The following JAZF1 variants were observed in gnomAD, a reference collection of about 807,000 sequenced individuals.
JAZF1 encodes JAZF zinc finger 1, also known as juxtaposed with another zinc finger protein 1.
Under a neutral mutation model 26.4 loss-of-function variants are expected in JAZF1, and 8 were observed. That is an observed-to-expected ratio of 0.30 (90% confidence interval 0.18 to 0.55). The LOEUF (loss-of-function observed/expected upper bound fraction) is 0.55. Ranked by LOEUF, JAZF1 falls within the 20% of genes least tolerant of loss-of-function variation. The pLI is 0.94. For synonymous variants in JAZF1, 126 were observed against 122.3 expected (o/e 1.03, Z -0.20); for missense variants, 199 against 322.0 (o/e 0.62, Z 2.92).
chr7:28,008,269 T>C (rs2128369532), intron 1 of JAZF1, among the ~76,000 whole-genome samples: 1 of 152,290 alleles, frequency 6.6e-6, no homozygotes, highest in East Asian at 1.9e-4. Context: ...CCGGCTGCAG[T>C]ACAGTGGCAC....
At position 28,103,142 on chromosome 7, in the gene JAZF1, C is replaced by T. The variant is rs796700681; in HGVS notation, c.115+77321G>A. Among the ~76,000 whole-genome samples, 45 of 152,300 alleles carry T rather than the reference C, an allele frequency of 3.0e-4. 1 individual carries two copies. The highest frequency in any genetic ancestry group is 1.1e-3 in the African/African-American group (45 of 41,568). On this transcript the variant is annotated intron_variant, in intron 1 of 4. Transcript: ENST00000283928. ...GTCACTCCCTCCTGGCTTTTCCTTCCACCTCGGTGGTCCCTCCTTCTTGGT... is the reference window on the plus strand; with the variant it reads ...GTCACTCCCTCCTGGCTTTTCCTTCTACCTCGGTGGTCCCTCCTTCTTGGT...
intron 2 of JAZF1, among the ~76,000 whole-genome samples, chr7:27,984,607 T>C (rs1477760683): frequency 2.6e-5 from 4 of 152,176 alleles, no homozygotes; most frequent in African/African-American, 7.2e-5. Context: ...GCGGACCTAA[T>C]AGACATCTAC....
At chr7:28,090,366 A>C (rs1784274713) in intron 1 of JAZF1, among the ~76,000 whole-genome samples, 1 of 152,234 alleles carries the variant, frequency 6.6e-6, no homozygotes, top group African/African-American at 2.4e-5. Context: ...TGCAATCTTA[A>C]TACTGGGTTT....
At chr7:28,110,398 C>A (rs1784623269) in intron 1 of JAZF1, among the ~76,000 whole-genome samples, 1 of 147,320 alleles carries the variant, frequency 6.8e-6, no homozygotes, top group South Asian at 2.2e-4. Flanking sequence ...TGCACTCCAG[C>A]CTGGGCGACA....
At chr7:28,099,680 T>G (rs1784440585) in intron 1 of JAZF1, among the ~76,000 whole-genome samples, 1 of 152,158 alleles carries the variant, frequency 6.6e-6, no homozygotes, top group South Asian at 2.1e-4. Context: ...TTCTCCATGT[T>G]GGTCAGGCTG....
At chr7:28,047,245 A>C (rs547917584) in intron 1 of JAZF1, among the ~76,000 whole-genome samples, 2 of 152,240 alleles carry the variant, frequency 1.3e-5, no homozygotes, top group East Asian at 3.9e-4. Context: ...TCTCCATAGG[A>C]TATTTTAAAA....
At chr7:27,948,818 T>C (rs1179872532) in intron 2 of JAZF1, among the ~76,000 whole-genome samples, 1 of 152,198 alleles carries the variant, frequency 6.6e-6, no homozygotes, top group Non-Finnish European at 1.5e-5. Flanking sequence ...AAGGTAGTGG[T>C]CAAGTTTTGG....
chr7:27,858,076 A>C (rs559753675), intron 3 of JAZF1, among the ~76,000 whole-genome samples: 1 of 152,322 alleles, frequency 6.6e-6, no homozygotes, highest in South Asian at 2.1e-4. Flanking sequence ...AATGTGCAAA[A>C]ATCACAAGCA....
intron 3 of JAZF1, among the ~76,000 whole-genome samples, chr7:27,857,537 G>C (rs1426019722): frequency 1.3e-5 from 2 of 152,244 alleles, no homozygotes; most frequent in East Asian, 1.9e-4. Context: ...GAGCGAGCTA[G>C]GGCTGCGAGG....
intron 1 of JAZF1, chr7:28,020,563 G>A (rs1039970018): frequency 1.1e-5 from 5 of 470,996 alleles, no homozygotes; most frequent in African/African-American, 2.0e-5. Flanking sequence ...GTTGTCCTAC[G>A]GCAGGCATGG....
chr7:28,101,312 C>T lies in JAZF1; in HGVS notation c.115+79151G>A, dbSNP rs111794026. Among the ~76,000 whole-genome samples, 190 of 152,240 alleles carry T rather than the reference C, an allele frequency of 1.2e-3. 1 individual carries two copies. The highest frequency in any genetic ancestry group is 2.1e-3 in the Non-Finnish European group (141 of 68,010). On this transcript the variant is annotated intron_variant, in intron 1 of 4. Transcript: ENST00000283928. ...CCACATATTAAACACACCTCCATCACAGACACACAGTTATACAACGTGTTA... is the reference window on the plus strand; with the variant it reads ...CCACATATTAAACACACCTCCATCATAGACACACAGTTATACAACGTGTTA...
intron 2 of JAZF1, among the ~76,000 whole-genome samples, chr7:27,937,503 G>A (rs781339092): frequency 6.6e-6 from 1 of 152,014 alleles, no homozygotes; most frequent in Admixed American, 6.6e-5. Context: ...CTCTTATTCT[G>A]GTTTGCTTAT....
intron 1 of JAZF1, among the ~76,000 whole-genome samples, chr7:28,138,818 C>T (rs1425256722): frequency 6.6e-6 from 1 of 152,228 alleles, no homozygotes; most frequent in Non-Finnish European, 1.5e-5. Context: ...AGACTTACCA[C>T]TTGTGAGTAT....
At chr7:27,857,953 A>G (rs964126147) in intron 3 of JAZF1, among the ~76,000 whole-genome samples, 1 of 152,262 alleles carries the variant, frequency 6.6e-6, no homozygotes, top group Non-Finnish European at 1.5e-5. Context: ...GAGGAAGTCA[A>G]ATTGTCTCTG....
chr7:28,090,488 T>G (rs190954067), intron 1 of JAZF1, among the ~76,000 whole-genome samples: 2 of 152,244 alleles, frequency 1.3e-5, no homozygotes, highest in Non-Finnish European at 2.9e-5. Flanking sequence ...GCCAATTACA[T>G]GCCAAAAGGA....
chr7:28,096,012 C>T (rs546154259), intron 1 of JAZF1, among the ~76,000 whole-genome samples: 2 of 152,320 alleles, frequency 1.3e-5, no homozygotes, highest in East Asian at 3.9e-4. Context: ...TCATCATCCC[C>T]TCAAAGGCTC....
chr7:27,998,432 A>G (rs1786066470), intron 1 of JAZF1, among the ~76,000 whole-genome samples: 1 of 152,238 alleles, frequency 6.6e-6, no homozygotes, highest in African/African-American at 2.4e-5. Flanking sequence ...AGTTTACTTC[A>G]GCTGCTGAAA....
chr7:27,884,192 C>T (rs534750007), intron 3 of JAZF1, among the ~76,000 whole-genome samples: 1 of 152,162 alleles, frequency 6.6e-6, no homozygotes, highest in Non-Finnish European at 1.5e-5. Context: ...CACTCTGTCA[C>T]CCAATCACAG....
chr7:27,859,304 A>T (rs1293478075), intron 3 of JAZF1, among the ~76,000 whole-genome samples: 1 of 152,216 alleles, frequency 6.6e-6, no homozygotes, highest in Admixed American at 6.5e-5. Context: ...ACCATTGTGG[A>T]AGACAGTGTG....
Sources: allele counts gnomAD v4.1 joint callset (sites outside exome capture counted in the v4.1 genomes callset), GRCh38; gene constraint gnomAD v4.1.1; transcripts MANE v1.5; gene names NCBI Gene and HGNC (gene_info 2026-07-23, HGNC 2026-07-21).